Variants in FRMD4A observed in about 807,000 individuals in gnomAD.
FRMD4A encodes the protein FERM domain containing 4A.
FRMD4A carries 29 observed loss-of-function variants against 129.1 expected under a neutral mutation model. The ratio of observed to expected loss-of-function variants is 0.22; its 90% CI spans 0.17 to 0.31. The LOEUF (loss-of-function observed/expected upper bound fraction) is 0.31. Among genes scored for constraint, FRMD4A ranks in the 10% least tolerant of loss-of-function variants. The pLI, the probability that FRMD4A is intolerant of heterozygous loss-of-function variation, is 1.00. For missense variants in FRMD4A, 1,272 were observed against 1,375.8 expected (o/e 0.92, Z 1.19); for synonymous variants, 634 against 571.6 (o/e 1.11, Z -1.56).
At chr10:13,905,162 C>T (rs914902783) in intron 2 of FRMD4A, among the ~76,000 whole-genome samples, 25 of 152,046 alleles carry the variant, frequency 1.6e-4, no homozygotes, top group Admixed American at 5.2e-4. Flanking sequence ...ATAAAGCCCA[C>T]TTTTTTGGGG....
intron 2 of FRMD4A, among the ~76,000 whole-genome samples, chr10:13,953,403 A>G (rs988722316): frequency 1.3e-5 from 2 of 152,222 alleles, no homozygotes; most frequent in African/African-American, 4.8e-5. Flanking sequence ...TTAGTTAACC[A>G]TGGGTCAACC....
intron 2 of FRMD4A, among the ~76,000 whole-genome samples, chr10:14,037,257 T>C (rs965199904): frequency 6.6e-6 from 1 of 152,242 alleles, no homozygotes; most frequent in African/African-American, 2.4e-5. Flanking sequence ...TTTACTTTTT[T>C]TGAAACAGTC....
At chr10:13,939,125 G>A (rs113451128) in intron 2 of FRMD4A, among the ~76,000 whole-genome samples, 179 of 152,304 alleles carry the variant, frequency 1.2e-3, no homozygotes, top group African/African-American at 3.9e-3. Context: ...GGTAAGGCAA[G>A]ACCATTGAAA....
intron 2 of FRMD4A, among the ~76,000 whole-genome samples, chr10:14,324,401 T>C (rs1843181988): frequency 6.6e-6 from 1 of 152,298 alleles, no homozygotes; most frequent in Non-Finnish European, 1.5e-5. Flanking sequence ...TTTTTGACAA[T>C]TATCTTACTT....
chr10:13,783,140 A>G (rs1235893659), intron 5 of FRMD4A, 134 bp from the exon 6 acceptor site: 1 of 628,348 alleles, frequency 1.6e-6, no homozygotes, highest in East Asian at 2.7e-5. Flanking sequence ...GGCACCATCC[A>G]TGGTTTTTCT....
intron 3 of FRMD4A, among the ~76,000 whole-genome samples, chr10:13,823,166 T>G (rs950918072): frequency 6.6e-6 from 1 of 152,284 alleles, no homozygotes; most frequent in South Asian, 2.1e-4. Context: ...TTGACAGGCG[T>G]ACATAATGAT....
intron 2 of FRMD4A, among the ~76,000 whole-genome samples, chr10:14,162,276 G>A (rs1304794933): frequency 6.6e-6 from 1 of 152,174 alleles, no homozygotes; most frequent in African/African-American, 2.4e-5. Flanking sequence ...CCCCACCCAA[G>A]AAGCCATAAA....
chr10:14,004,264 T>C (rs1588736859), intron 2 of FRMD4A, among the ~76,000 whole-genome samples: 1 of 152,352 alleles, frequency 6.6e-6, no homozygotes, highest in East Asian at 1.9e-4. Flanking sequence ...AATACAAGAC[T>C]GGGTGCGGTG....
At chr10:14,232,159 T>A (rs1037029258) in intron 2 of FRMD4A, among the ~76,000 whole-genome samples, 1 of 152,366 alleles carries the variant, frequency 6.6e-6, no homozygotes, top group African/African-American at 2.4e-5. Context: ...GCTAGCCAGT[T>A]ATCCCAGCAC....
At chr10:14,171,890 A>T in intron 2 of FRMD4A, among the ~76,000 whole-genome samples, 1 of 152,262 alleles carries the variant, frequency 6.6e-6, no homozygotes, top group South Asian at 2.1e-4. Context: ...ATTTCAGAAC[A>T]GACTTAAGGA....
Position 14,330,634 on chromosome 10 carries a change from A to C in FRMD4A, c.-119T>G, listed in dbSNP as rs962303848. 2.5e-6 allele frequency: 1 copy of C among 398,246 alleles called. No homozygotes were observed. The allele number at this position is 398,246 out of a possible 1,614,324, so 24.7% of individuals were successfully genotyped here. A position where few individuals can be genotyped will look rare whatever the true frequency, so the allele number is the denominator to read the frequency against. On this transcript the variant is annotated 5_prime_UTR_variant, in exon 1 of 25. Transcript: ENST00000357447. The stretch of plus-strand genomic sequence containing the variant: ...GGTCAGTGTCTTCTTTGCTGCAGAT[A>C]GGTGTGTCCCTTTTTGCAAAATCAG...
At chr10:14,187,104 G>GAAAT (rs1159324469) in intron 2 of FRMD4A, among the ~76,000 whole-genome samples, 1 of 137,316 alleles carries the variant, frequency 7.3e-6, no homozygotes. Context: ...GGGTGACAGA[G>GAAAT]CAAGGCTCTG....
intron 2 of FRMD4A, among the ~76,000 whole-genome samples, chr10:14,152,846 GA>G (rs539343369): frequency 8.1e-5 from 12 of 148,332 alleles, no homozygotes; most frequent in African/African-American, 2.2e-4. Flanking sequence ...CCTCTGAGAA[GA>G]AAAAAAAAAT....
chr10:14,305,620 A>C (rs550631350), intron 2 of FRMD4A, among the ~76,000 whole-genome samples: 4 of 152,102 alleles, frequency 2.6e-5, no homozygotes, highest in Non-Finnish European at 5.9e-5. Context: ...CTGGTTCTTG[A>C]CTGTTCTACA....
At chr10:13,752,398 A>G (rs1291172152) in intron 8 of FRMD4A, among the ~76,000 whole-genome samples, 1 of 152,210 alleles carries the variant, frequency 6.6e-6, no homozygotes, top group African/African-American at 2.4e-5. Flanking sequence ...TAAACCTGAG[A>G]GGGAAGGATG....
chr10:14,082,931 T>A (rs1588935054), intron 2 of FRMD4A: 1 of 152,218 alleles, frequency 6.6e-6, no homozygotes, highest in South Asian at 2.1e-4. Context: ...CACTGATACA[T>A]ATTTGCCAAA....
At chr10:14,321,191 G>C (rs1843033085) in intron 2 of FRMD4A, among the ~76,000 whole-genome samples, 2 of 152,000 alleles carry the variant, frequency 1.3e-5, no homozygotes, top group South Asian at 4.2e-4. Context: ...TGGGTTAAAT[G>C]AATGGATGAA....
chr10:13,963,580 A>G (rs1487698936), intron 2 of FRMD4A, among the ~76,000 whole-genome samples: 1 of 152,230 alleles, frequency 6.6e-6, no homozygotes, highest in East Asian at 1.9e-4. Flanking sequence ...ATTGTCCTTT[A>G]TTAGGAGAAT....
chr10:13,795,960 GA>G (rs1246359683), intron 5 of FRMD4A, among the ~76,000 whole-genome samples: 22 of 152,102 alleles, frequency 1.4e-4, no homozygotes, highest in African/African-American at 5.1e-4. Flanking sequence ...CTAGATTTCT[GA>G]ACAGAAAAAT....
Sources: allele counts gnomAD v4.1 joint callset (sites outside exome capture counted in the v4.1 genomes callset), GRCh38; gene constraint gnomAD v4.1.1; transcripts MANE v1.5; gene names NCBI Gene and HGNC (gene_info 2026-07-23, HGNC 2026-07-21).